Variants in UGT2A2 observed in about 807,000 individuals in gnomAD.
UGT2A2 encodes UDP glucuronosyltransferase family 2 member A2.
A neutral mutation model predicts 50.7 loss-of-function variants in UGT2A2; 60 were observed. The observed-to-expected ratio is 1.18, with a 90% CI of 0.96 to 1.47. The LOEUF (loss-of-function observed/expected upper bound fraction) is 1.47. Among genes scored for constraint, UGT2A2 ranks in the 40% most tolerant of loss-of-function variants. The pLI is 0.00. For synonymous variants in UGT2A2, 242 were observed against 214.6 expected, an observed-to-expected ratio of 1.13 and a Z score of -1.11; for missense variants, 762 against 634.0, an observed-to-expected ratio of 1.20 and a Z score of -2.17.
intron 1 of UGT2A2, among the ~76,000 whole-genome samples, chr4:69,623,539 T>C (rs982857305): frequency 1.3e-5 from 2 of 151,346 alleles, no homozygotes; most frequent in Non-Finnish European, 3.0e-5. Context: ...TATAAATATT[T>C]TTAAAATATA....
Position 69,610,491 on chromosome 4 carries a change from T to A in UGT2A2, c.743-11097A>T, listed in dbSNP as rs527985269. ...AGTTGACTTATGAACCAATTAATAT[T>A]ATGCACCCTTTAAAACTTTAAACAC... On this transcript the variant is annotated intron_variant, in intron 1 of 5. Coordinates refer to ENST00000604629, the MANE Select transcript of UGT2A2 (RefSeq NM_001105677.2). Among the ~76,000 whole-genome samples, 5 of 152,288 alleles carry A rather than the reference T, an allele frequency of 3.3e-5. No homozygotes were observed. In the South Asian group the frequency reaches 1.0e-3, roughly 32 times the overall value.
At chr4:69,608,161 G>C (rs1266446163) in intron 1 of UGT2A2, among the ~76,000 whole-genome samples, 1 of 152,046 alleles carries the variant, frequency 6.6e-6, no homozygotes, top group African/African-American at 2.4e-5. Context: ...CAAAGACTTG[G>C]AACCAACCCA....
intron 2 of UGT2A2, among the ~76,000 whole-genome samples, chr4:69,597,341 C>A (rs1242659580): frequency 6.6e-6 from 1 of 152,016 alleles, no homozygotes; most frequent in Non-Finnish European, 1.5e-5. Context: ...AGCTATGTGC[C>A]CTTAATTTGA....
At chr4:69,626,867 T>G (rs1721089749) in intron 1 of UGT2A2, among the ~76,000 whole-genome samples, 1 of 151,954 alleles carries the variant, frequency 6.6e-6, no homozygotes, top group South Asian at 2.1e-4. Context: ...GGAACCTTCT[T>G]CACAGTAGTT....
intron 2 of UGT2A2, among the ~76,000 whole-genome samples, chr4:69,596,694 G>T (rs1577947134): frequency 6.6e-6 from 1 of 152,068 alleles, no homozygotes; most frequent in East Asian, 1.9e-4. Context: ...GCTGAGTTTT[G>T]TATTTTTAGT....
At chr4:69,626,094 G>A (rs944305375) in intron 1 of UGT2A2, among the ~76,000 whole-genome samples, 1 of 151,182 alleles carries the variant, frequency 6.6e-6, no homozygotes, top group Non-Finnish European at 1.5e-5. Context: ...ATATATTTAT[G>A]CTTTGTTAAC....
At chr4:69,606,205 C>T (rs1719602291) in intron 1 of UGT2A2, among the ~76,000 whole-genome samples, 1 of 136,182 alleles carries the variant, frequency 7.3e-6, no homozygotes, top group Admixed American at 7.2e-5. Context: ...TCCAGCGGCA[C>T]ATCAAAAAGC....
At chr4:69,632,039 A>T (rs994234065) in intron 1 of UGT2A2, among the ~76,000 whole-genome samples, 6 of 152,178 alleles carry the variant, frequency 3.9e-5, no homozygotes, top group African/African-American at 1.4e-4. Context: ...TTATTCCTAA[A>T]ATTGTTCACT....
intron 1 of UGT2A2, among the ~76,000 whole-genome samples, chr4:69,631,017 A>G (rs1021212809): frequency 6.6e-6 from 1 of 152,152 alleles, no homozygotes; most frequent in Non-Finnish European, 1.5e-5. Context: ...CCAGCTCTCT[A>G]GATATGAAAT....
chr4:69,596,526 T>A, intron 2 of UGT2A2, 145 bp from the exon 3 acceptor site: 1 of 1,242,022 alleles, frequency 8.1e-7, no homozygotes, highest in Admixed American at 3.6e-5. Flanking sequence ...AAAGATCTAG[T>A]TTCTATATTT....
chr4:69,631,658 T>C (rs1345778670), intron 1 of UGT2A2, among the ~76,000 whole-genome samples: 1 of 152,146 alleles, frequency 6.6e-6, no homozygotes, highest in African/African-American at 2.4e-5. Context: ...GAGAGGAGTG[T>C]GTACATGGGC....
chr4:69,621,840 T>C (rs943633524), intron 1 of UGT2A2, among the ~76,000 whole-genome samples: 2 of 151,918 alleles, frequency 1.3e-5, no homozygotes, highest in Non-Finnish European at 2.9e-5. Context: ...AAAGAGAACA[T>C]GTTTTTTGCA....
In UGT2A2 at chr4:69,589,358, C is replaced by T. The variant is rs1718444764; in HGVS notation, c.*14G>A. The T allele has an allele frequency of 1.3e-6, 2 of 1,596,604 alleles. No homozygotes were observed. The highest frequency in any genetic ancestry group is 1.4e-5 in the African/African-American group (1 of 73,884). On this transcript the variant is annotated 3_prime_UTR_variant, in exon 6 of 6. Coordinates refer to ENST00000604629, the MANE Select transcript of UGT2A2 (RefSeq NM_001105677.2). ...CCAAACTTAAAAATATATATATTTC[C>T]TCTTTTTCTTGACCTATTCTCTTTT... is the stretch of plus-strand genomic sequence containing the variant.
chr4:69,595,484 C>T (rs1718870488), intron 3 of UGT2A2, among the ~76,000 whole-genome samples: 1 of 152,034 alleles, frequency 6.6e-6, no homozygotes, highest in Admixed American at 6.6e-5. Context: ...CACTTAAAAG[C>T]TTTTGGAAGT....
chr4:69,605,221 C>T (rs1247072240), intron 1 of UGT2A2, among the ~76,000 whole-genome samples: 1 of 137,094 alleles, frequency 7.3e-6, no homozygotes, highest in Admixed American at 7.2e-5. Context: ...AACAAACTGT[C>T]TCTCAGACCA....
chr4:69,612,259 A>G (rs1720108378), intron 1 of UGT2A2, among the ~76,000 whole-genome samples: 1 of 152,062 alleles, frequency 6.6e-6, no homozygotes, highest in Admixed American at 6.6e-5. Flanking sequence ...ATTATTCCAT[A>G]TACTATCGTG....
chr4:69,596,421 T>TAAGAAATA (rs1718936853), intron 2 of UGT2A2, 40 bp from the exon 3 acceptor site: 1 of 1,450,606 alleles, frequency 6.9e-7, no homozygotes, highest in Middle Eastern at 1.9e-4. Context: ...AGGTGTAGCA[T>TAAGAAATA]CATAAGAAAA....
At chr4:69,617,167 A>G (rs980093567) in intron 1 of UGT2A2, among the ~76,000 whole-genome samples, 2 of 151,968 alleles carry the variant, frequency 1.3e-5, no homozygotes, top group African/African-American at 2.4e-5. Flanking sequence ...TTTCAAAACT[A>G]TAAAACAAAA....
At position 69,599,380 on chromosome 4, in the gene UGT2A2, A is replaced by G; in HGVS notation, c.757T>C (p.Leu253=). Residue 253 remains leucine, a synonymous_variant, in exon 2 of 6, where the codon TTA becomes CTA. Transcript: ENST00000604629. ...TCAGCTTTCCCCATAGTCTCACATA[A>G]CGTAGTGGGTCTTCCTGGAGAAAAT... The part of the protein sequence containing the change: ...YSKILGRPTT[L]CETMGKAEIW... 6 of 1,613,554 alleles carry G rather than the reference A, an allele frequency of 3.7e-6. No homozygotes were observed. The highest frequency in any genetic ancestry group is 1.1e-5 in the South Asian group (1 of 90,988).
Sources: allele counts gnomAD v4.1 joint callset (sites outside exome capture counted in the v4.1 genomes callset), GRCh38; gene constraint gnomAD v4.1.1; transcripts MANE v1.5; gene names NCBI Gene and HGNC (gene_info 2026-07-23, HGNC 2026-07-21).